The following SCAPER variants were observed in gnomAD, a reference collection of about 807,000 sequenced individuals.
The protein encoded by SCAPER is S-phase cyclin A associated protein in the ER.
Under a neutral mutation model 182.2 loss-of-function variants are expected in SCAPER, and 98 were observed. That is an observed-to-expected ratio of 0.54 (90% CI 0.46 to 0.64). The LOEUF (loss-of-function observed/expected upper bound fraction) is 0.64, where lower values mean the gene tolerates loss of function less well. Ranked by LOEUF, SCAPER falls within the 30% of genes least tolerant of loss-of-function variation. The probability of loss-of-function intolerance (pLI) is 0.00; values close to 1 mark genes in which losing one functional copy is unlikely to be tolerated. For missense variants in SCAPER, 1,432 were observed against 1,690.0 expected (o/e 0.85, Z 2.68); for synonymous variants, 605 against 564.6 (o/e 1.07, Z -1.01).
chr15:76,388,939 G>A lies in SCAPER; in HGVS notation c.3468-7324C>T, dbSNP rs920673770. ...TCACGACACTGCACTCTAGCCTGGC[G>A]ACAGAGTGAGACTCCATCTCAAAAA... On this transcript the variant is annotated intron_variant, in intron 27 of 31. Transcript: ENST00000563290. Among the ~76,000 whole-genome samples the A allele has an allele frequency of 2.0e-5, 3 of 148,422 alleles. No individual in the cohort carries two copies. The Admixed American group carries it at 2.0e-4, about 10-fold the overall frequency.
Position 76,600,425 on chromosome 15 carries a change from G to A in SCAPER, c.2711+21339C>T, listed in dbSNP as rs868371490. On this transcript the variant is annotated intron_variant, in intron 22 of 31. Coordinates refer to ENST00000563290, the MANE Select transcript of SCAPER (RefSeq NM_020843.4). Reference sequence around the variant, plus strand: ...TGTGTGTGTGTGTGTGTGTGTGTGTGTGTGTATACATATACATATATATAT... The same window carrying A: ...TGTGTGTGTGTGTGTGTGTGTGTGTATGTGTATACATATACATATATATAT... Among the ~76,000 whole-genome samples the A allele has an allele frequency of 1.1e-4, 5 of 45,836 alleles. 1 individual carries two copies. Among genetic ancestry groups the A allele is most frequent in the African/African-American group, 2.5e-4 (5 of 19,686 alleles). 30.1% of individuals were successfully genotyped at this position (45,836 alleles called of 152,430 possible).
rs181454995 is a variant in SCAPER, at chr15:76,454,966, C to G, written c.3078+16246G>C. Among the ~76,000 whole-genome samples, 11 of 152,034 alleles carry G rather than the reference C, an allele frequency of 7.2e-5. 1 individual carries two copies. Among genetic ancestry groups the G allele is most frequent in the Admixed American group, 7.2e-4 (11 of 15,280 alleles). On this transcript the variant is annotated intron_variant, in intron 25 of 31. Coordinates refer to ENST00000563290, the MANE Select transcript of SCAPER (RefSeq NM_020843.4). ...TTATATTTTTCTAGGAATTTAAATTCGTTAAAGCTTTCAAATGCACTGGTA... is the reference window on the plus strand; with the variant it reads ...TTATATTTTTCTAGGAATTTAAATTGGTTAAAGCTTTCAAATGCACTGGTA...
intron 29 of SCAPER, among the ~76,000 whole-genome samples, chr15:76,373,340 G>A (rs1229752555): frequency 3.3e-5 from 5 of 151,986 alleles, no homozygotes; most frequent in East Asian, 1.9e-4. Flanking sequence ...GAGCTACTGC[G>A]CTGGCTGCCC....
At chr15:76,781,357 C>A (rs369971941) in intron 8 of SCAPER, among the ~76,000 whole-genome samples, 1 of 152,032 alleles carries the variant, frequency 6.6e-6, no homozygotes, top group Admixed American at 6.6e-5. Flanking sequence ...TAAAAAGAAA[C>A]GAACAAAGCC....
chr15:76,646,460 C>T (rs907182792), intron 21 of SCAPER, among the ~76,000 whole-genome samples: 3 of 152,206 alleles, frequency 2.0e-5, no homozygotes, highest in Admixed American at 1.3e-4. Context: ...AATTCCCATG[C>T]TGCTCTTTCA....
intron 5 of SCAPER, among the ~76,000 whole-genome samples, chr15:76,815,733 C>A (rs1278152369): frequency 2.0e-5 from 3 of 152,148 alleles, no homozygotes; most frequent in Non-Finnish European, 1.5e-5. Flanking sequence ...TGTGAAGGAT[C>A]TAGGTTGAGT....
intron 23 of SCAPER, among the ~76,000 whole-genome samples, chr15:76,535,952 C>T (rs766178232): frequency 1.3e-5 from 2 of 152,154 alleles, no homozygotes; most frequent in Non-Finnish European, 2.9e-5. Context: ...GACTTAATAA[C>T]TGTTCATGTT....
At chr15:76,441,074 A>G (rs887385832) in intron 25 of SCAPER, among the ~76,000 whole-genome samples, 8 of 151,644 alleles carry the variant, frequency 5.3e-5, no homozygotes, top group Admixed American at 1.3e-4. Context: ...GGCACCCGCC[A>G]CCACGCCCGG....
chr15:76,649,536 A>AAT (rs1555518020), intron 21 of SCAPER, among the ~76,000 whole-genome samples: 13 of 151,156 alleles, frequency 8.6e-5, no homozygotes, highest in South Asian at 2.1e-4. Flanking sequence ...TATGGAAAAA[A>AAT]ATATATATAT....
At chr15:76,418,757 G>A (rs1328927548) in intron 26 of SCAPER, among the ~76,000 whole-genome samples, 1 of 152,256 alleles carries the variant, frequency 6.6e-6, no homozygotes, top group Non-Finnish European at 1.5e-5. Flanking sequence ...GCACTGTGGT[G>A]AAGCCACCAA....
intron 25 of SCAPER, among the ~76,000 whole-genome samples, chr15:76,465,146 T>C (rs1487798332): frequency 1.3e-5 from 2 of 152,180 alleles, no homozygotes; most frequent in African/African-American, 2.4e-5. Context: ...CTTATTCCAT[T>C]TGAGCTGCTA....
chr15:76,555,280 C>T (rs1294876232), intron 23 of SCAPER, among the ~76,000 whole-genome samples: 1 of 152,174 alleles, frequency 6.6e-6, no homozygotes. Flanking sequence ...CATAAAAACA[C>T]ACTTAAGTAC....
chr15:76,630,865 T>G (rs1435345528), intron 21 of SCAPER, among the ~76,000 whole-genome samples: 5 of 152,190 alleles, frequency 3.3e-5, no homozygotes, highest in Non-Finnish European at 7.3e-5. Flanking sequence ...ATTTTCTGTC[T>G]TGATGATCTG....
At position 76,806,939 on chromosome 15, in the gene SCAPER, T is replaced by C. The variant is rs184138905; in HGVS notation, c.394-2306A>G. On this transcript the variant is annotated intron_variant, in intron 5 of 31. Coordinates refer to ENST00000563290, the MANE Select transcript of SCAPER (RefSeq NM_020843.4). The stretch of plus-strand genomic sequence containing the variant: ...CCTATAATCTTGCTAAACTTGTTTA[T>C]TAGCTCTAATAATTGGGGGGCAGGT... 1.0e-3 allele frequency among the ~76,000 whole-genome samples: 154 copies of C among 152,326 alleles called. 2 individuals are homozygous for C. The highest frequency in any genetic ancestry group is 3.6e-3 in the African/African-American group (151 of 41,588).
intron 27 of SCAPER, among the ~76,000 whole-genome samples, chr15:76,388,901 C>T (rs1263786827): frequency 1.3e-5 from 2 of 151,128 alleles, no homozygotes; most frequent in Non-Finnish European, 2.9e-5. Context: ...GTGGAGGTTG[C>T]AGTGAGCTGA....
At chr15:76,841,986 T>C in intron 4 of SCAPER, 55 bp from the exon 5 acceptor site, 1 of 1,475,458 alleles carries the variant, frequency 6.8e-7, no homozygotes, top group East Asian at 2.3e-5. Flanking sequence ...TTCCAGGGAC[T>C]GGATTTTTTA....
chr15:76,720,391 A>G (rs953099929), intron 17 of SCAPER, among the ~76,000 whole-genome samples: 54 of 152,200 alleles, frequency 3.5e-4, no homozygotes, highest in South Asian at 8.3e-4. Flanking sequence ...ATAAACATAC[A>G]TGTGAATGTG....
intron 27 of SCAPER, among the ~76,000 whole-genome samples, chr15:76,399,297 T>C (rs1338375164): frequency 2.0e-5 from 3 of 151,934 alleles, no homozygotes; most frequent in African/African-American, 7.3e-5. Context: ...GCCACCACTC[T>C]CAGCTAATTT....
At chr15:76,786,657 AAAAAC>A (rs1470422404) in intron 8 of SCAPER, among the ~76,000 whole-genome samples, 2 of 152,172 alleles carry the variant, frequency 1.3e-5, no homozygotes, top group Admixed American at 1.3e-4. Flanking sequence ...CAGTGCCACA[AAAAAC>A]AAAACAAAAC....
Sources: allele counts gnomAD v4.1 joint callset (sites outside exome capture counted in the v4.1 genomes callset), GRCh38; gene constraint gnomAD v4.1.1; transcripts MANE v1.5; gene names NCBI Gene and HGNC (gene_info 2026-07-23, HGNC 2026-07-21).